SACM1L: variants seen among roughly 807,000 people sequenced by gnomAD.
The protein encoded by SACM1L is SAC1 like phosphatidylinositide phosphatase.
Under a neutral mutation model 89.5 loss-of-function variants are expected in SACM1L, and 32 were observed. That is an observed-to-expected ratio of 0.36 (90% confidence interval 0.27 to 0.48). The LOEUF (loss-of-function observed/expected upper bound fraction) is 0.48. SACM1L is among the 20% of genes least tolerant of loss of function. SACM1L has a pLI of 0.99. For synonymous variants in SACM1L, 213 were observed against 232.8 expected, an observed-to-expected ratio of 0.92 and a Z score of 0.77; for missense variants, 543 against 708.5, an observed-to-expected ratio of 0.77 and a Z score of 2.65.
intron 6 of SACM1L, 108 bp downstream of exon 6, chr3:45,713,304 A>C (rs972377766): frequency 1.2e-6 from 1 of 850,078 alleles, no homozygotes; most frequent in South Asian, 1.6e-5. Context: ...AAACAATTCT[A>C]ATTTAACTGT....
Position 45,732,143 on chromosome 3 carries a change from T to C in SACM1L, c.1092T>C (p.Asp364=). 6.3e-7 allele frequency: 1 copy of C among 1,589,244 alleles called. No individual in the cohort carries two copies. The highest frequency in any genetic ancestry group is 2.2e-5 in the East Asian group (1 of 44,448). ...ILLDQVAEMQ[D]ELSYFLVDSA... ...TGGATCAGGTAGCAGAAATGCAAGA[T>C]GAATTAAGGTAAGCTATATTATTTC... The change falls in exon 13 of 20, where the codon GAT becomes GAC. Residue 364 remains aspartate, a synonymous_variant. Coordinates refer to ENST00000389061, the MANE Select transcript of SACM1L (RefSeq NM_014016.5).
At chr3:45,741,082 G>A (rs1699302966) in intron 19 of SACM1L, among the ~76,000 whole-genome samples, 1 of 152,130 alleles carries the variant, frequency 6.6e-6, no homozygotes, top group Non-Finnish European at 1.5e-5. Flanking sequence ...TCTGAGACTT[G>A]GTGTATTGGA....
At chr3:45,724,367 G>T (rs145949979) in intron 11 of SACM1L, among the ~76,000 whole-genome samples, 5 of 151,438 alleles carry the variant, frequency 3.3e-5, no homozygotes, top group Admixed American at 2.6e-4. Context: ...GTGTGGAGTG[G>T]TGTTGAGTTG....
At position 45,713,302 on chromosome 3, in the gene SACM1L, CT is replaced by C; in HGVS notation, c.543+107del. ...TCACCAAGAATTTCGAGAAACAATT[CT>C]AATTTAACTGTTTATAACTTACAAA... On this transcript the variant is annotated intron_variant, in intron 6 of 19. Coordinates refer to ENST00000389061, the MANE Select transcript of SACM1L (RefSeq NM_014016.5). The C allele has an allele frequency of 5.9e-6, 5 of 853,160 alleles. No individual in the cohort carries two copies. In the South Asian group the frequency reaches 8.0e-5, roughly 14 times the overall value. The allele number at this position is 853,160 out of a possible 1,614,324, so 52.8% of individuals were successfully genotyped here.
At chr3:45,689,567 A>G in intron 1 of SACM1L, 70 bp downstream of exon 1, 6 of 1,495,588 alleles carry the variant, frequency 4.0e-6, no homozygotes, top group Admixed American at 3.9e-5. Flanking sequence ...GGCCTCGGGG[A>G]GGGCTTCTGA....
chr3:45,735,351 G>A lies in SACM1L; in HGVS notation c.1217G>A (p.Arg406His), dbSNP rs779832720. The A allele has an allele frequency of 3.8e-6, 6 of 1,571,312 alleles. No individual in the cohort carries two copies. Among genetic ancestry groups the A allele is most frequent in the Admixed American group, 2.0e-5 (1 of 50,162 alleles). ...TNVIQSLLAR[R>H]SLQAQLQRLG... The stretch of plus-strand genomic sequence containing the variant: ...GTGATCCAGAGTTTGTTAGCTCGTC[G>A]TTCACTTCAGGCCCAACTTCAGGTG... The change falls in exon 14 of 20, where the codon CGT (arginine) becomes CAT (histidine). Residue 406 changes from arginine to histidine, a missense_variant. This residue lies in a region of SACM1L where 370 missense variants were observed against 527.6 expected (regional missense o/e 0.70). Coordinates refer to ENST00000389061, the MANE Select transcript of SACM1L (RefSeq NM_014016.5).
In SACM1L at chr3:45,689,462, C is replaced by T. The variant is rs1307202464; in HGVS notation, c.-4C>T. Reference sequence around the variant, plus strand: ...AGAGAGAAGGAAGGAGGTGGTTGTGCAGGATGGCGACGGCGGCCTACGAGC... The same window carrying T: ...AGAGAGAAGGAAGGAGGTGGTTGTGTAGGATGGCGACGGCGGCCTACGAGC... On this transcript the variant is annotated 5_prime_UTR_variant, in exon 1 of 20. Coordinates refer to ENST00000389061, the MANE Select transcript of SACM1L (RefSeq NM_014016.5). The T allele has an allele frequency of 2.3e-5, 36 of 1,572,642 alleles. No homozygotes were observed. Among genetic ancestry groups the T allele is most frequent in the Non-Finnish European group, 3.1e-5 (36 of 1,160,020 alleles).
rs1319474826 is a variant in SACM1L, at chr3:45,733,582, C to G, written c.1100+1431C>G. 2.0e-5 allele frequency among the ~76,000 whole-genome samples: 3 copies of G among 152,166 alleles called. No individual in the cohort carries two copies. In the East Asian group the frequency reaches 5.8e-4, roughly 29 times the overall value. The stretch of plus-strand genomic sequence containing the variant: ...AGATTTTTCATCCTAACACATTCTT[C>G]CACGCTTTTGTTCCTGAGGTCATGA... On this transcript the variant is annotated intron_variant, in intron 13 of 19. Coordinates refer to ENST00000389061, the MANE Select transcript of SACM1L (RefSeq NM_014016.5).
intron 2 of SACM1L, 133 bp downstream of exon 2, chr3:45,703,668 G>T: frequency 2.0e-6 from 1 of 510,324 alleles, no homozygotes; most frequent in Non-Finnish European, 3.5e-6. Flanking sequence ...TTTTATTCTT[G>T]CTACCTCATT....
At chr3:45,725,684 C>CT (rs955751608) in intron 11 of SACM1L, among the ~76,000 whole-genome samples, 10 of 149,616 alleles carry the variant, frequency 6.7e-5, no homozygotes, top group South Asian at 4.2e-4. Flanking sequence ...TTTGGATGCC[C>CT]TTTTTTTTTT....
At chr3:45,741,106 A>G (rs998301698) in intron 19 of SACM1L, among the ~76,000 whole-genome samples, 2 of 152,142 alleles carry the variant, frequency 1.3e-5, no homozygotes, top group African/African-American at 2.4e-5. Flanking sequence ...TGGAGATGCA[A>G]TCCTAGTCAC....
intron 1 of SACM1L, among the ~76,000 whole-genome samples, chr3:45,694,761 A>G (rs1299033134): frequency 1.3e-5 from 2 of 152,334 alleles, no homozygotes; most frequent in South Asian, 2.1e-4. Flanking sequence ...CTGGGCATAC[A>G]TAGCTGAGTT....
intron 13 of SACM1L, among the ~76,000 whole-genome samples, chr3:45,733,030 G>A (rs1699112416): frequency 1.3e-5 from 2 of 152,198 alleles, no homozygotes; most frequent in South Asian, 4.1e-4. Context: ...GAACACAGAA[G>A]GGAAATTGAC....
At position 45,714,053 on chromosome 3, in the gene SACM1L, G is replaced by A. The variant is rs565598315; in HGVS notation, c.551G>A (p.Arg184Gln). The change falls in exon 7 of 20, where the codon CGG (arginine) becomes CAG (glutamine). Residue 184 changes from arginine to glutamine, a missense_variant. Physicochemically the swap from Arg to Gln is conservative, Grantham distance 43. Coordinates refer to ENST00000389061, the MANE Select transcript of SACM1L (RefSeq NM_014016.5). ...RELSAQPEVH[R>Q]FALPVLHGFI... ...TATATATCTTCATTTCAGGTTCATCGGTTTGCCCTTCCAGTGTTACATGGC... is the reference window on the plus strand; with the variant it reads ...TATATATCTTCATTTCAGGTTCATCAGTTTGCCCTTCCAGTGTTACATGGC... The A allele has an allele frequency of 7.2e-6, 11 of 1,527,016 alleles. No homozygotes were observed. The East Asian group carries it at 1.2e-4, about 16-fold the overall frequency. 94.6% of individuals were successfully genotyped at this position (1,527,016 alleles called of 1,614,324 possible).
intron 8 of SACM1L, among the ~76,000 whole-genome samples, chr3:45,721,229 T>C (rs115124386): frequency 0.024 from 3,585 of 152,320 alleles, 55 homozygotes; most frequent in Non-Finnish European, 0.04. Flanking sequence ...TATTATAAAC[T>C]AGCCTATATT....
chr3:45,718,436 T>C (rs1453085858), intron 7 of SACM1L, among the ~76,000 whole-genome samples: 2 of 152,178 alleles, frequency 1.3e-5, no homozygotes, highest in Non-Finnish European at 2.9e-5. Flanking sequence ...GAAAGGTGCT[T>C]CAGAGATGCT....
rs753594759 is a variant in SACM1L at position 45,737,550 on chromosome 3, A to G, written c.1240-33A>G. Reference sequence around the variant, plus strand: ...TAAACCATGTCTGCTAAAATCTATTACACATAAATCTGGGTGTGGTTTTTT... The same window carrying G: ...TAAACCATGTCTGCTAAAATCTATTGCACATAAATCTGGGTGTGGTTTTTT... On this transcript the variant is annotated intron_variant, in intron 14 of 19. Coordinates refer to ENST00000389061, the MANE Select transcript of SACM1L (RefSeq NM_014016.5). 1.1e-5 allele frequency: 17 copies of G among 1,572,618 alleles called. 1 individual carries two copies. The South Asian group carries it at 1.9e-4, about 17-fold the overall frequency.
intron 3 of SACM1L, among the ~76,000 whole-genome samples, chr3:45,705,771 T>C (rs1698378209): frequency 1.3e-5 from 2 of 152,156 alleles, no homozygotes; most frequent in African/African-American, 2.4e-5. Context: ...CCCAAAGTGC[T>C]GGGATTACAG....
At chr3:45,719,470 A>G in intron 7 of SACM1L, 30 bp from the exon 8 acceptor site, 2 of 1,225,178 alleles carry the variant, frequency 1.6e-6, no homozygotes, top group East Asian at 2.3e-5. Context: ...GATTTCTATT[A>G]TATGTTATAT....
Sources: allele counts gnomAD v4.1 joint callset (sites outside exome capture counted in the v4.1 genomes callset), GRCh38; gene constraint gnomAD v4.1.1; regional missense constraint gnomAD v4.1.1; transcripts MANE v1.5; gene names NCBI Gene and HGNC (gene_info 2026-07-23, HGNC 2026-07-21).